Variants in SLC38A12 observed in about 807,000 individuals in gnomAD.
SLC38A12 encodes the protein solute carrier family 38 member 12.
the SLC38A12 span, among the ~76,000 whole-genome samples, chr17:74,798,578 G>A: frequency 6.6e-6 from 1 of 151,828 alleles, no homozygotes; most frequent in African/African-American, 2.4e-5. Flanking sequence ...GCAGGGTGCT[G>A]GGGGGTGGAG....
At chr17:74,834,044 C>T in the SLC38A12 span, among the ~76,000 whole-genome samples, 2 of 152,116 alleles carry the variant, frequency 1.3e-5, no homozygotes, top group Non-Finnish European at 2.9e-5. Flanking sequence ...TCCCCGGTAC[C>T]CCTCCTGCAC....
the SLC38A12 span, among the ~76,000 whole-genome samples, chr17:74,792,065 G>T: frequency 6.6e-6 from 1 of 151,982 alleles, no homozygotes; most frequent in Non-Finnish European, 1.5e-5. Context: ...AGAATGGCAT[G>T]AATCCTGGAG....
chr17:74,839,306 AG>A, the SLC38A12 span: 1 of 894,886 alleles, frequency 1.1e-6, no homozygotes, highest in Non-Finnish European at 1.6e-6. Flanking sequence ...CAACAGGCAA[AG>A]GCCAGAGTCA....
the SLC38A12 span, among the ~76,000 whole-genome samples, chr17:74,817,490 C>T: frequency 1.4e-4 from 22 of 152,158 alleles, no homozygotes; most frequent in Admixed American, 3.9e-4. Flanking sequence ...TATGAACCCT[C>T]GTTTCGACTC....
chr17:74,780,605 A>G, the SLC38A12 span, among the ~76,000 whole-genome samples: 1 of 152,146 alleles, frequency 6.6e-6, no homozygotes. Flanking sequence ...CTCCTGACCC[A>G]ACCTGTGGCT....
At chr17:74,833,941 G>T in the SLC38A12 span, among the ~76,000 whole-genome samples, 1 of 152,134 alleles carries the variant, frequency 6.6e-6, no homozygotes, top group Non-Finnish European at 1.5e-5. Context: ...CCCGGGCCCA[G>T]TCTGGCCTCT....
the SLC38A12 span, among the ~76,000 whole-genome samples, chr17:74,825,188 C>T: frequency 1.3e-5 from 2 of 152,360 alleles, no homozygotes; most frequent in South Asian, 4.1e-4. Context: ...AGCACCACGC[C>T]ACCCTGCTGT....
At chr17:74,820,810 G>A in the SLC38A12 span, among the ~76,000 whole-genome samples, 6,949 of 152,210 alleles carry the variant, frequency 0.046, 529 homozygotes, top group African/African-American at 0.16. Context: ...GACTCTGGGG[G>A]TGCACGCTGA....
At chr17:74,786,131 C>T in the SLC38A12 span, among the ~76,000 whole-genome samples, 66 of 152,314 alleles carry the variant, frequency 4.3e-4, no homozygotes, top group African/African-American at 1.4e-3. Flanking sequence ...TCTTCAGGGA[C>T]GCCTACTCCT....
the SLC38A12 span, among the ~76,000 whole-genome samples, chr17:74,808,466 T>C: frequency 2.6e-5 from 4 of 152,128 alleles, no homozygotes; most frequent in Non-Finnish European, 4.4e-5. Context: ...AGGGAGGAGC[T>C]CTCCTTGGAA....
the SLC38A12 span, among the ~76,000 whole-genome samples, chr17:74,817,702 C>G: frequency 1.3e-5 from 2 of 152,246 alleles, no homozygotes; most frequent in East Asian, 3.9e-4. Context: ...TGGACAGGGC[C>G]CCTGGAGGAC....
chr17:74,811,647 G>A, the SLC38A12 span, among the ~76,000 whole-genome samples: 1 of 152,104 alleles, frequency 6.6e-6, no homozygotes. Flanking sequence ...CTTGAGCCTG[G>A]GAGGTGGAGG....
chr17:74,823,670 T>C, the SLC38A12 span, among the ~76,000 whole-genome samples: 6 of 152,336 alleles, frequency 3.9e-5, no homozygotes, highest in East Asian at 1.2e-3. Flanking sequence ...CTTGGTGTGC[T>C]GTCCCCAGCA....
chr17:74,785,697 G>T, the SLC38A12 span: 5 of 1,494,448 alleles, frequency 3.3e-6, no homozygotes, highest in South Asian at 5.1e-5. Flanking sequence ...TGAGGGGGTG[G>T]GAAGACACCT....
chr17:74,804,930 G>A, the SLC38A12 span, among the ~76,000 whole-genome samples: 1 of 152,226 alleles, frequency 6.6e-6, no homozygotes, highest in Non-Finnish European at 1.5e-5. Context: ...CCCTGGATCA[G>A]GAAAGTGTTT....
the SLC38A12 span, among the ~76,000 whole-genome samples, chr17:74,801,449 G>C: frequency 6.6e-6 from 1 of 151,624 alleles, no homozygotes; most frequent in Non-Finnish European, 1.5e-5. Flanking sequence ...CCCGGGTGCT[G>C]TTTGTCCCAC....
the SLC38A12 span, among the ~76,000 whole-genome samples, chr17:74,817,128 T>G: frequency 2.0e-5 from 3 of 151,804 alleles, no homozygotes; most frequent in East Asian, 5.8e-4. Flanking sequence ...GTTGCTGAGT[T>G]CTGGCTCTAA....
the SLC38A12 span, among the ~76,000 whole-genome samples, chr17:74,820,241 G>A: frequency 6.7e-4 from 102 of 152,326 alleles, no homozygotes; most frequent in African/African-American, 2.3e-3. Context: ...AGAGCGGCGC[G>A]GCTCTGCGTT....
At chr17:74,781,537 C>T in the SLC38A12 span, among the ~76,000 whole-genome samples, 3 of 152,220 alleles carry the variant, frequency 2.0e-5, no homozygotes, top group Admixed American at 1.3e-4. Context: ...CCTCCCACCT[C>T]AGGAGTTCTG....
Sources: gnomAD v4.1 joint callset for allele counts (sites outside exome capture counted in the v4.1 genomes callset) on GRCh38, gnomAD v4.1.1 for gene constraint, MANE v1.5 for transcripts, NCBI Gene and HGNC (gene_info 2026-07-23, HGNC 2026-07-21) for gene names.